The following DOCK3 variants were observed in gnomAD, a reference collection of about 807,000 sequenced individuals.
The protein encoded by DOCK3 is dedicator of cytokinesis protein 3.
In DOCK3, 60 loss-of-function variants were observed where a neutral mutation model predicts 265.6. The observed-to-expected ratio is 0.23, with a 90% CI of 0.18 to 0.28. The LOEUF (loss-of-function observed/expected upper bound fraction) is 0.28. Among genes scored for constraint, DOCK3 ranks in the 10% least tolerant of loss-of-function variants. DOCK3 has a pLI of 1.00. For synonymous variants in DOCK3, 881 were observed against 938.0 expected, an observed-to-expected ratio of 0.94 and a Z score of 1.11; for missense variants, 1,981 against 2,594.3, an observed-to-expected ratio of 0.76 and a Z score of 5.14.
intron 5 of DOCK3, among the ~76,000 whole-genome samples, chr3:50,936,042 A>C (rs2051341570): frequency 6.6e-6 from 1 of 152,244 alleles, no homozygotes; most frequent in Non-Finnish European, 1.5e-5. Context: ...AAATGCTTCA[A>C]CAAGCAATTA....
chr3:51,176,884 T>C (rs1358788447), intron 12 of DOCK3, among the ~76,000 whole-genome samples: 1 of 152,218 alleles, frequency 6.6e-6, no homozygotes, highest in Non-Finnish European at 1.5e-5. Context: ...AAATGGTTTG[T>C]CTTTTTTTCC....
intron 1 of DOCK3, among the ~76,000 whole-genome samples, chr3:50,679,901 T>G (rs566868469): frequency 2.0e-5 from 3 of 152,246 alleles, no homozygotes; most frequent in Non-Finnish European, 4.4e-5. Context: ...TTCATGATTC[T>G]ACTTGAGCTT....
chr3:51,276,487 A>G (rs1052572584), intron 25 of DOCK3: 14 of 958,630 alleles, frequency 1.5e-5, no homozygotes, highest in Non-Finnish European at 1.7e-5. Context: ...TTGTGGGGCT[A>G]GAGTCAGTGT....
At chr3:51,146,449 G>T in intron 9 of DOCK3, 100 bp from the exon 10 acceptor site, 1 of 1,261,564 alleles carries the variant, frequency 7.9e-7, no homozygotes, top group Non-Finnish European at 1.1e-6. Flanking sequence ...ACTGCAAGCT[G>T]TTATGTAAAT....
chr3:51,210,223 G>C (rs1412369462), intron 13 of DOCK3, among the ~76,000 whole-genome samples: 1 of 152,188 alleles, frequency 6.6e-6, no homozygotes, highest in Non-Finnish European at 1.5e-5. Context: ...AAGATGATGA[G>C]TTTTGTCTTG....
intron 24 of DOCK3, among the ~76,000 whole-genome samples, 194 bp from the exon 25 acceptor site, chr3:51,274,885 A>C (rs1283188680): frequency 6.6e-6 from 1 of 152,190 alleles, no homozygotes; most frequent in Non-Finnish European, 1.5e-5. Context: ...ATGGAAGAAT[A>C]ATGTCATGTG....
intron 5 of DOCK3, among the ~76,000 whole-genome samples, chr3:50,972,754 C>G (rs982150974): frequency 6.6e-6 from 1 of 152,278 alleles, no homozygotes; most frequent in South Asian, 2.1e-4. Flanking sequence ...TTTCTCTATG[C>G]TGTTATATTG....
chr3:50,763,019 A>G (rs1280116776), intron 1 of DOCK3, among the ~76,000 whole-genome samples: 2 of 152,130 alleles, frequency 1.3e-5, no homozygotes, highest in African/African-American at 4.8e-5. Flanking sequence ...AGTTCATCAT[A>G]AGTGGAAAAT....
At chr3:51,132,851 T>C (rs1371982847) in intron 9 of DOCK3, among the ~76,000 whole-genome samples, 1 of 152,158 alleles carries the variant, frequency 6.6e-6, no homozygotes, top group African/African-American at 2.4e-5. Context: ...TGAACTCTGA[T>C]GAACCTCTTT....
intron 5 of DOCK3, among the ~76,000 whole-genome samples, chr3:51,028,717 G>A (rs1271895086): frequency 6.6e-6 from 1 of 151,962 alleles, no homozygotes; most frequent in Non-Finnish European, 1.5e-5. Flanking sequence ...TGTTGTTAAG[G>A]TTTCCAATGC....
Position 51,362,555 on chromosome 3 carries a change from G to T in DOCK3, c.5174G>T (p.Gly1725Val). 1 of 1,613,914 alleles carries T rather than the reference G, an allele frequency of 6.2e-7. No individual in the cohort carries two copies. The highest frequency in any genetic ancestry group is 8.5e-7 in the Non-Finnish European group (1 of 1,179,880). Residue 1725 changes from glycine to valine, a missense_variant, in exon 49 of 53, where the codon GGC becomes GTC. Around this residue, in one of 4 missense-constraint regions of DOCK3, gnomAD observed 1,357 missense variants for 1,866.8 expected, o/e 0.73. Transcript: ENST00000266037. ...GCGTATCCCAACCCCAGGTACCAAGGCTCAGTCACCAACGTCTCTGTTCTG... is the reference window on the plus strand; with the variant it reads ...GCGTATCCCAACCCCAGGTACCAAGTCTCAGTCACCAACGTCTCTGTTCTG... ...QLAYPNPRYQ[G>V]SVTNVSVLSS...
At chr3:50,823,895 A>G (rs1170991833) in intron 2 of DOCK3, among the ~76,000 whole-genome samples, 3 of 152,252 alleles carry the variant, frequency 2.0e-5, no homozygotes, top group African/African-American at 7.2e-5. Context: ...GATATTATAC[A>G]TTCATTATTT....
intron 10 of DOCK3, among the ~76,000 whole-genome samples, chr3:51,152,074 A>T (rs967727074): frequency 1.3e-5 from 2 of 152,114 alleles, no homozygotes; most frequent in Non-Finnish European, 2.9e-5. Context: ...CTCCTGGATA[A>T]TATCCTGCAG....
At chr3:51,313,302 C>T (rs1303330495) in intron 31 of DOCK3, among the ~76,000 whole-genome samples, 1 of 152,144 alleles carries the variant, frequency 6.6e-6, no homozygotes, top group Non-Finnish European at 1.5e-5. Context: ...GCAAAGGTGG[C>T]TATTAATTTT....
intron 5 of DOCK3, among the ~76,000 whole-genome samples, chr3:51,060,916 C>T (rs2081385919): frequency 6.6e-6 from 1 of 152,176 alleles, no homozygotes; most frequent in South Asian, 2.1e-4. Flanking sequence ...TGAACAGACA[C>T]TTCTCAAAAG....
chr3:50,932,620 A>G (rs1161774065), intron 4 of DOCK3, among the ~76,000 whole-genome samples: 1 of 152,198 alleles, frequency 6.6e-6, no homozygotes, highest in East Asian at 1.9e-4. Flanking sequence ...AGGTCCTATG[A>G]CAGCTGGTCC....
At chr3:51,157,987 A>G (rs530739285) in intron 10 of DOCK3, among the ~76,000 whole-genome samples, 22 of 151,876 alleles carry the variant, frequency 1.4e-4, no homozygotes, top group Middle Eastern at 6.8e-3. Context: ...ATCTGGGGTC[A>G]ATCAAAAGAT....
At chr3:50,722,533 A>G (rs1199593756) in intron 1 of DOCK3, among the ~76,000 whole-genome samples, 1 of 152,164 alleles carries the variant, frequency 6.6e-6, no homozygotes, top group Admixed American at 6.5e-5. Context: ...TTTAGCCTCT[A>G]CTGTTCTTTT....
intron 5 of DOCK3, among the ~76,000 whole-genome samples, chr3:51,045,017 C>G (rs948675656): frequency 3.3e-5 from 5 of 152,124 alleles, no homozygotes; most frequent in Admixed American, 6.6e-5. Context: ...TTTGTGTTCA[C>G]TGGAGTAGCA....
Sources: gnomAD v4.1 joint callset for allele counts (sites outside exome capture counted in the v4.1 genomes callset) on GRCh38, gnomAD v4.1.1 for gene constraint, gnomAD v4.1.1 regional missense constraint, MANE v1.5 for transcripts, NCBI Gene and HGNC (gene_info 2026-07-23, HGNC 2026-07-21) for gene names.